PCDHGB6: variants seen among roughly 807,000 people sequenced by gnomAD.
The protein encoded by PCDHGB6 is protocadherin gamma-B6.
Under a neutral mutation model 59.1 loss-of-function variants are expected in PCDHGB6, and 51 were observed. The ratio of observed to expected loss-of-function variants is 0.86; its 90% CI spans 0.69 to 1.09. PCDHGB6 has a LOEUF of 1.09. Ranked by LOEUF, PCDHGB6 falls within the 50% of genes least tolerant of loss-of-function variation. The probability of loss-of-function intolerance (pLI) is 0.00; values close to 1 mark genes in which losing one functional copy is unlikely to be tolerated. For synonymous variants in PCDHGB6, 466 were observed against 495.1 expected (o/e 0.94, Z 0.78); for missense variants, 1,148 against 1,205.1 (o/e 0.95, Z 0.70).
chr5:141,443,243 C>T (rs755331096), intron 1 of PCDHGB6, among the ~76,000 whole-genome samples: 9 of 151,618 alleles, frequency 5.9e-5, no homozygotes, highest in Non-Finnish European at 1.0e-4. Flanking sequence ...CACTTTGGGG[C>T]GCCAAGGCGG....
At chr5:141,492,495 G>A (rs750427038) in intron 1 of PCDHGB6, among the ~76,000 whole-genome samples, 65 of 152,186 alleles carry the variant, frequency 4.3e-4, no homozygotes, top group Non-Finnish European at 6.0e-4. Context: ...ACCAGGCGAG[G>A]ACTCCGGAGC....
In PCDHGB6 at chr5:141,432,847, G is replaced by C. The variant is rs768265171; in HGVS notation, c.2418+22227G>C. ...ACCTCACTCTGTACCTGGTGGTAGC[G>C]GTGGCCGCGGTCTCCTGCGTCTTCC... On this transcript the variant is annotated intron_variant, in intron 1 of 3. Transcript: ENST00000520790. The surrounding 1 kb of genome is among the most constrained non-coding windows in gnomAD (Gnocchi z 6.0). The C allele has an allele frequency of 1.2e-6, 2 of 1,614,180 alleles. No homozygotes were observed. Among genetic ancestry groups the C allele is most frequent in the Admixed American group, 1.7e-5 (1 of 60,032 alleles).
chr5:141,489,178 C>T lies in PCDHGB6; in HGVS notation c.2419-5629C>T, dbSNP rs909255357. ...GAGACTTCAGCTGCTGCATTCCAAG[C>T]CCTGGGTCTACCTTGGAGACAGGAC... On this transcript the variant is annotated intron_variant, in intron 1 of 3. Transcript: ENST00000520790. This position sits in a 1 kb window ranked among gnomAD's most constrained non-coding sequence, Gnocchi z 4.5. 54 of 1,234,872 alleles carry T rather than the reference C, an allele frequency of 4.4e-5. 1 individual carries two copies. In the East Asian group the frequency reaches 1.2e-3, roughly 29 times the overall value. 76.5% of individuals were successfully genotyped at this position (1,234,872 alleles called of 1,614,324 possible). A position where few individuals can be genotyped will look rare whatever the true frequency, so the allele number is the denominator to read the frequency against.
chr5:141,467,736 G>A (rs1435480730), intron 1 of PCDHGB6, among the ~76,000 whole-genome samples: 1 of 151,902 alleles, frequency 6.6e-6, no homozygotes, highest in Non-Finnish European at 1.5e-5. Flanking sequence ...ATCCCAGCTC[G>A]CTGCAACCTC....
rs774071540 is a variant in PCDHGB6, at chr5:141,511,042, G to A, written c.2662G>A (p.Asp888Asn). 8 of 1,614,064 alleles carry A rather than the reference G, an allele frequency of 5.0e-6. No homozygotes were observed. Among genetic ancestry groups the A allele is most frequent in the Non-Finnish European group, 6.8e-6 (8 of 1,180,016 alleles). Residue 888 changes from aspartate to asparagine, a missense_variant, in exon 4 of 4, where the codon GAC becomes AAC. Physicochemically the swap from Asp to Asn is conservative, Grantham distance 23. Coordinates refer to ENST00000520790, the MANE Select transcript of PCDHGB6 (RefSeq NM_018926.3). Reference sequence around the variant, plus strand: ...CCAGTTCACCCTGCAGCACGTGCCCGACTACCGCCAGAATGTCTACATCCC... The same window carrying A: ...CCAGTTCACCCTGCAGCACGTGCCCAACTACCGCCAGAATGTCTACATCCC... ...GPQFTLQHVPDYRQNVYIPGS... is the reference protein window; with the variant it reads ...GPQFTLQHVPNYRQNVYIPGS...
intron 3 of PCDHGB6, 149 bp downstream of exon 3, chr5:141,505,630 A>G (rs558394591): frequency 4.7e-5 from 69 of 1,480,262 alleles, no homozygotes; most frequent in Admixed American, 2.2e-5. Flanking sequence ...AATTCCAAAC[A>G]TAAAGCCTGG....
In PCDHGB6 at chr5:141,476,476, C is replaced by T; in HGVS notation, c.2419-18331C>T. 6.2e-7 allele frequency: 1 copy of T among 1,613,986 alleles called. No homozygotes were observed. The highest frequency in any genetic ancestry group is 8.5e-7 in the Non-Finnish European group (1 of 1,179,992). On this transcript the variant is annotated intron_variant, in intron 1 of 3. Transcript: ENST00000520790. The surrounding 1 kb of genome is among the most constrained non-coding windows in gnomAD (Gnocchi z 7.6). Reference sequence around the variant, plus strand: ...TGGAGAACCCGCTGGAGCTGTTCAGCGTGGAAGTGGTGATCCAGGACATCA... The same window carrying T: ...TGGAGAACCCGCTGGAGCTGTTCAGTGTGGAAGTGGTGATCCAGGACATCA...
At chr5:141,422,664 C>T (rs2096662670) in intron 1 of PCDHGB6, 4 of 1,608,458 alleles carry the variant, frequency 2.5e-6, no homozygotes, top group Non-Finnish European at 3.4e-6. Flanking sequence ...CCGCCCTCGA[C>T]CCGGACAGCA....
chr5:141,447,979 G>A (rs888759756), intron 1 of PCDHGB6, among the ~76,000 whole-genome samples: 15 of 151,814 alleles, frequency 9.9e-5, no homozygotes, highest in Admixed American at 5.9e-4. Context: ...CCAGCTACTC[G>A]GGAGGCTGAG....
At chr5:141,458,172 T>A (rs1023447659) in intron 1 of PCDHGB6, among the ~76,000 whole-genome samples, 2 of 152,216 alleles carry the variant, frequency 1.3e-5, no homozygotes, top group African/African-American at 4.8e-5. Flanking sequence ...CACAGTAGTA[T>A]ACCTTACTTG....
In PCDHGB6 at chr5:141,477,913, T is replaced by G; in HGVS notation, c.2419-16894T>G. ...CACGGGTGGTAGGCTGGGACGCGGA[T>G]GCAGGGCACAATGCCTGGCTCTCCT... On this transcript the variant is annotated intron_variant, in intron 1 of 3. Transcript: ENST00000520790. This position sits in a 1 kb window ranked among gnomAD's most constrained non-coding sequence, Gnocchi z 4.9. 6.2e-7 allele frequency: 1 copy of G among 1,614,190 alleles called. No individual in the cohort carries two copies. Among genetic ancestry groups the G allele is most frequent in the Non-Finnish European group, 8.5e-7 (1 of 1,180,024 alleles).
chr5:141,413,804 C>A, intron 1 of PCDHGB6: 7 of 1,613,194 alleles, frequency 4.3e-6, no homozygotes, highest in Non-Finnish European at 5.9e-6. Context: ...GAGGAAGAGG[C>A]CATTCACCAC....
intron 1 of PCDHGB6, among the ~76,000 whole-genome samples, chr5:141,455,172 G>GT (rs1344126228): frequency 3.3e-5 from 5 of 150,340 alleles, no homozygotes; most frequent in South Asian, 4.2e-4. Context: ...TTTTTTTTTA[G>GT]TTTTTTTATT....
intron 1 of PCDHGB6, chr5:141,426,513 C>T (rs780618436): frequency 6.2e-5 from 21 of 341,148 alleles, no homozygotes; most frequent in Non-Finnish European, 1.1e-4. Context: ...AATACTTTAC[C>T]GTGAACACGG....
chr5:141,426,565 T>G, intron 1 of PCDHGB6: 1 of 351,600 alleles, frequency 2.8e-6, no homozygotes, highest in Non-Finnish European at 5.7e-6. Flanking sequence ...AGATCGAGAG[T>G]CACTGTCTTC....
chr5:141,500,187 TATTTA>T (rs1467273493), intron 2 of PCDHGB6, among the ~76,000 whole-genome samples: 2 of 110,668 alleles, frequency 1.8e-5, no homozygotes, highest in Non-Finnish European at 3.6e-5. Flanking sequence ...TTTTTATTTT[TATTTA>T]TTTATTTATT....
rs750564390 is a variant in PCDHGB6, at chr5:141,494,823, C to T, written c.2435C>T (p.Thr812Met). Residue 812 changes from threonine to methionine, a missense_variant, in exon 2 of 4, where the codon ACG becomes ATG. Physicochemically the swap from Thr to Met is moderately conservative, Grantham distance 81. Coordinates refer to ENST00000520790, the MANE Select transcript of PCDHGB6 (RefSeq NM_018926.3). Reference sequence around the variant, plus strand: ...TCTCCACAGCAAGCCCCGCCCAACACGGACTGGCGTTTCTCTCAGGCCCAG... The same window carrying T: ...TCTCCACAGCAAGCCCCGCCCAACATGGACTGGCGTTTCTCTCAGGCCCAG... ...ETLTSQAPPN[T>M]DWRFSQAQRP... 7 of 1,614,014 alleles carry T rather than the reference C, an allele frequency of 4.3e-6. No individual in the cohort carries two copies. The East Asian group carries it at 8.9e-5, about 21-fold the overall frequency.
intron 2 of PCDHGB6, among the ~76,000 whole-genome samples, chr5:141,503,295 T>C (rs567706089): frequency 6.6e-6 from 1 of 152,070 alleles, no homozygotes; most frequent in Non-Finnish European, 1.5e-5. Context: ...TACATAGAAA[T>C]TGCTCAAGAA....
chr5:141,478,135 C>T (rs1307702473), intron 1 of PCDHGB6: 7 of 1,613,970 alleles, frequency 4.3e-6, no homozygotes, highest in African/African-American at 1.3e-5. Flanking sequence ...CTCCTGAAGC[C>T]CGAGCCGAGT....
Sources: gnomAD v4.1 joint callset for allele counts (sites outside exome capture counted in the v4.1 genomes callset) on GRCh38, gnomAD v4.1.1 for gene constraint, Gnocchi (gnomAD v3.1) non-coding constraint, MANE v1.5 for transcripts, NCBI Gene and HGNC (gene_info 2026-07-23, HGNC 2026-07-21) for gene names.